CRELD1: variants seen among roughly 807,000 people sequenced by gnomAD.
The protein encoded by CRELD1 is protein disulfide isomerase CRELD1.
CRELD1 carries 42 observed loss-of-function variants against 58.2 expected under a neutral mutation model. That is an observed-to-expected ratio of 0.72 (90% CI 0.56 to 0.93). The LOEUF (loss-of-function observed/expected upper bound fraction) is 0.93, where lower values mean the gene tolerates loss of function less well. CRELD1 is among the 40% of genes least tolerant of loss of function. The pLI is 0.00. For synonymous variants in CRELD1, 222 were observed against 202.0 expected (o/e 1.10, Z -0.84); for missense variants, 500 against 540.6 (o/e 0.92, Z 0.74).
chr3:9,940,032 C>A (rs1296016472), intron 5 of CRELD1, among the ~76,000 whole-genome samples: 1 of 151,442 alleles, frequency 6.6e-6, no homozygotes, highest in African/African-American at 2.4e-5. Context: ...CCAGACGGGG[C>A]GGCTGCCGGG....
At chr3:9,940,396 G>C (rs369015886) in intron 5 of CRELD1, among the ~76,000 whole-genome samples, 64 of 152,224 alleles carry the variant, frequency 4.2e-4, no homozygotes, top group South Asian at 1.0e-3. Context: ...CTGAGTGAAC[G>C]AGACTCCGTC....
Position 9,940,894 on chromosome 3 carries a change from T to C in CRELD1, c.505T>C (p.Cys169Arg). 6.2e-7 allele frequency: 1 copy of C among 1,613,506 alleles called. No individual in the cohort carries two copies. Among genetic ancestry groups the C allele is most frequent in the Non-Finnish European group, 8.5e-7 (1 of 1,179,846 alleles). Residue 169 changes from cysteine to arginine, a missense_variant, in exon 6 of 11, where the codon TGT becomes CGT. Physicochemically the swap from Cys to Arg is radical, Grantham distance 180. Transcript: ENST00000452070. ...GAGGCCCTGCGGTGGCTACGGGCAGTGTGAAGGAGAAGGGACACGAGGGGG... is the reference window on the plus strand; with the variant it reads ...GAGGCCCTGCGGTGGCTACGGGCAGCGTGAAGGAGAAGGGACACGAGGGGG... The part of the protein sequence containing the change: ...TERPCGGYGQ[C>R]EGEGTRGGSG...
In CRELD1 at chr3:9,943,370, C is replaced by T. The variant is rs1272851020; in HGVS notation, c.914-11C>T. 6.8e-6 allele frequency: 11 copies of T among 1,613,918 alleles called. No homozygotes were observed. The highest frequency in any genetic ancestry group is 1.7e-5 in the Admixed American group (1 of 60,018). On this transcript the variant is annotated splice_polypyrimidine_tract_variant and intron_variant, in intron 9 of 10. Coordinates refer to ENST00000452070, the MANE Select transcript of CRELD1 (RefSeq NM_001077415.3). ...GCCCTAGCAGGACTCTGACCCCTCC[C>T]TCCCCTCAAGATGTGGATGAGTGTG...
chr3:9,934,955 C>G, intron 3 of CRELD1, 38 bp downstream of exon 3: 2 of 1,520,766 alleles, frequency 1.3e-6, no homozygotes, highest in Non-Finnish European at 1.8e-6. Flanking sequence ...ATATTCCCCT[C>G]CCCGCCAAAT....
intron 8 of CRELD1, 49 bp downstream of exon 8, chr3:9,942,945 G>A: frequency 1.3e-6 from 2 of 1,542,228 alleles, no homozygotes; most frequent in Non-Finnish European, 9.0e-7. Flanking sequence ...TGGAGGAAGA[G>A]CTGCTCCACA....
Position 9,940,345 on chromosome 3 carries a change from G to A in CRELD1, c.461-505G>A, listed in dbSNP as rs1178994629. Among the ~76,000 whole-genome samples the A allele has an allele frequency of 4.6e-5, 7 of 152,104 alleles. No homozygotes were observed. The East Asian group carries it at 5.8e-4, about 13-fold the overall frequency. On this transcript the variant is annotated intron_variant, in intron 5 of 10. Transcript: ENST00000452070. ...TGGGAGGTGGAGGTTGTAGCGAGCCGAGATCACGCCACTGCACTCCAGCCT... is the reference window on the plus strand; with the variant it reads ...TGGGAGGTGGAGGTTGTAGCGAGCCAAGATCACGCCACTGCACTCCAGCCT...
intron 5 of CRELD1, among the ~76,000 whole-genome samples, chr3:9,938,787 C>T (rs888043732): frequency 1.3e-5 from 2 of 151,806 alleles, no homozygotes; most frequent in Non-Finnish European, 2.9e-5. Context: ...ATGAACCCGG[C>T]AGGCGGAGCT....
At chr3:9,934,971 C>T (rs1559334220) in intron 3 of CRELD1, 54 bp downstream of exon 3, 2 of 1,455,704 alleles carry the variant, frequency 1.4e-6, no homozygotes, top group Admixed American at 1.9e-5. Flanking sequence ...CAAATCTCTG[C>T]TCTGCTGGTG....
chr3:9,937,329 T>G (rs1340456797), intron 3 of CRELD1, among the ~76,000 whole-genome samples: 1 of 152,148 alleles, frequency 6.6e-6, no homozygotes, highest in Non-Finnish European at 1.5e-5. Context: ...GTCATCCCCA[T>G]TTTACAGATG....
At position 9,933,866 on chromosome 3, in the gene CRELD1, C is replaced by T; in HGVS notation, c.-74C>T. On this transcript the variant is annotated 5_prime_UTR_variant, in exon 1 of 11. Transcript: ENST00000452070. ...GGCAGCGACGCGGTGAGGAGACGGC[C>T]CACGGCGCCCGCGGGCTGGGGCGGT... is the stretch of plus-strand genomic sequence containing the variant. The T allele has an allele frequency of 2.0e-6, 1 of 492,284 alleles. No homozygotes were observed. The highest frequency in any genetic ancestry group is 3.6e-6 in the Non-Finnish European group (1 of 277,798). 30.5% of individuals were successfully genotyped at this position (492,284 alleles called of 1,614,324 possible).
intron 4 of CRELD1, 118 bp from the exon 5 acceptor site, chr3:9,937,897 G>T: frequency 1.2e-6 from 1 of 804,036 alleles, no homozygotes; most frequent in South Asian, 1.5e-5. Flanking sequence ...ATGGCCTTTT[G>T]GGTCTTATGT....
intron 5 of CRELD1, 76 bp downstream of exon 5, chr3:9,938,182 T>TAGCCAGGTACTTG: frequency 8.5e-7 from 1 of 1,171,210 alleles, no homozygotes; most frequent in Non-Finnish European, 1.3e-6. Context: ...CTGTCCCTAG[T>TAGCCAGGTACTTG]TCGCTGTGTG....
In CRELD1 at chr3:9,938,113, T is replaced by C. The variant is rs1246295340; in HGVS notation, c.460+7T>C. 2 of 1,610,098 alleles carry C rather than the reference T, an allele frequency of 1.2e-6. No homozygotes were observed. The highest frequency in any genetic ancestry group is 1.7e-6 in the Non-Finnish European group (2 of 1,177,590). On this transcript the variant is annotated splice_region_variant and intron_variant, in intron 5 of 10. Coordinates refer to ENST00000452070, the MANE Select transcript of CRELD1 (RefSeq NM_001077415.3). ...TTCGGGCCCTCCTGCCTTCGTGAGTTTTTAAGTTGCTCTTGGGGATGGGAG... is the reference window on the plus strand; with the variant it reads ...TTCGGGCCCTCCTGCCTTCGTGAGTCTTTAAGTTGCTCTTGGGGATGGGAG...
intron 10 of CRELD1, chr3:9,943,804 G>A: frequency 6.2e-7 from 1 of 1,611,582 alleles, no homozygotes; most frequent in South Asian, 1.1e-5. Context: ...CCTGCTGAGA[G>A]CTGTCCTAGG....
chr3:9,938,674 A>G (rs2085262874), intron 5 of CRELD1: 1 of 152,870 alleles, frequency 6.5e-6, no homozygotes, highest in African/African-American at 2.4e-5. Context: ...CGTGGCTATC[A>G]TGGTGAAACA....
At chr3:9,940,734 G>T in intron 5 of CRELD1, 116 bp from the exon 6 acceptor site, 3 of 664,798 alleles carry the variant, frequency 4.5e-6, no homozygotes, top group Non-Finnish European at 2.6e-6. Context: ...GGGGGAGGGG[G>T]AGGGGAGGGG....
chr3:9,941,145 T>C lies in CRELD1; in HGVS notation c.672T>C (p.Pro224=), dbSNP rs1347996905. Residue 224 remains proline, a synonymous_variant, in exon 7 of 11, where the codon CCT becomes CCC. Coordinates refer to ENST00000452070, the MANE Select transcript of CRELD1 (RefSeq NM_001077415.3). ...GCCCCTGTGCCCGATGCTCAGGACC[T>C]GAGGAATCAAACTGTTTGCAATGCA... ...CFGPCARCSG[P]EESNCLQCKK... is the part of the protein sequence containing the mutation. 1 of 1,614,176 alleles carries C rather than the reference T, an allele frequency of 6.2e-7. No individual in the cohort carries two copies. The highest frequency in any genetic ancestry group is 8.5e-7 in the Non-Finnish European group (1 of 1,180,018).
At position 9,934,334 on chromosome 3, in the gene CRELD1, G is replaced by T. The variant is rs57022843; in HGVS notation, c.-19-86G>T. 0.016 allele frequency: 17,597 copies of T among 1,077,832 alleles called. 1,028 individuals carry two copies. The African/African-American group carries it at 0.17, about 10-fold the overall frequency. The allele number at this position is 1,077,832 out of a possible 1,614,324, so 66.8% of individuals were successfully genotyped here. On this transcript the variant is annotated intron_variant, in intron 1 of 10. Transcript: ENST00000452070. ...TGCTTGTAATAACGCAGATCCCAGCGCCACGGCACCTTAGAACAGACCTTT... is the reference window on the plus strand; with the variant it reads ...TGCTTGTAATAACGCAGATCCCAGCTCCACGGCACCTTAGAACAGACCTTT...
Position 9,944,439 on chromosome 3 carries a change from A to G in CRELD1, c.1123A>G (p.Ile375Val), listed in dbSNP as rs1450713225. Residue 375 changes from isoleucine (I) to valine (V), a missense_variant, in exon 11 of 11, where the codon ATC becomes GTC. Ile to Val is a conservative substitution (Grantham distance 29, BLOSUM62 3). Transcript: ENST00000452070. Reference protein sequence around the residue: ...VLQQMFFGIIICALATLAAKG... With the variant: ...VLQQMFFGIIVCALATLAAKG... Reference sequence around the variant, plus strand: ...GCAGCAGATGTTCTTTGGCATCATCATCTGTGCACTGGCCACGCTGGCTGC... The same window carrying G: ...GCAGCAGATGTTCTTTGGCATCATCGTCTGTGCACTGGCCACGCTGGCTGC... 5.6e-6 allele frequency: 9 copies of G among 1,614,044 alleles called. No homozygotes were observed. In the South Asian group the frequency reaches 9.9e-5, roughly 18 times the overall value.
Sources: gnomAD v4.1 joint callset for allele counts (sites outside exome capture counted in the v4.1 genomes callset) on GRCh38, gnomAD v4.1.1 for gene constraint, MANE v1.5 for transcripts, NCBI Gene and HGNC (gene_info 2026-07-23, HGNC 2026-07-21) for gene names.